The following CNTN5 variants were observed in gnomAD, a reference collection of about 807,000 sequenced individuals.
The protein encoded by CNTN5 is contactin-5.
Under a neutral mutation model 129.1 loss-of-function variants are expected in CNTN5, and 77 were observed. That is an observed-to-expected ratio of 0.60 (90% CI 0.50 to 0.72). CNTN5 has a LOEUF of 0.72. CNTN5 is among the 30% of genes least tolerant of loss of function. CNTN5 has a pLI of 0.00. For synonymous variants in CNTN5, 509 were observed against 465.6 expected, an observed-to-expected ratio of 1.09 and a Z score of -1.20; for missense variants, 1,478 against 1,328.8, an observed-to-expected ratio of 1.11 and a Z score of -1.75.
In CNTN5 at chr11:99,408,338, T is replaced by C. The variant is rs1177804179; in HGVS notation, c.-71+82854T>C. 7.5e-5 allele frequency among the ~76,000 whole-genome samples: 10 copies of C among 133,478 alleles called. No homozygotes were observed. In the Admixed American group the frequency reaches 8.4e-4, roughly 11 times the overall value. 87.6% of individuals were successfully genotyped at this position (133,478 alleles called of 152,430 possible). On this transcript the variant is annotated intron_variant, in intron 2 of 24. Transcript: ENST00000524871. Reference sequence around the variant, plus strand: ...CCTCAGCCTTCTGAGTGGCTAGGACTACCAGCACATGCCACTACACCAGGC... The same window carrying C: ...CCTCAGCCTTCTGAGTGGCTAGGACCACCAGCACATGCCACTACACCAGGC...
Position 100,356,209 on chromosome 11 carries a change from A to T in CNTN5, c.3292A>T (p.Thr1098Ser), listed in dbSNP as rs749277433. The stretch of plus-strand genomic sequence containing the variant: ...GCTCTTGGCATTGATGATTCCTTCA[A>T]CTTCCTGGTGAAAACTGCTGACTTA... ...TLLLALMIPS[T>S]SW Residue 1098 changes from threonine (T) to serine (S), a missense_variant, in exon 25 of 25, where the codon ACT becomes TCT. By Grantham distance (58) the Thr-to-Ser change is moderately conservative (BLOSUM62 1). Coordinates refer to ENST00000524871, the MANE Select transcript of CNTN5 (RefSeq NM_014361.4). 1 of 1,605,876 alleles carries T rather than the reference A, an allele frequency of 6.2e-7. No homozygotes were observed. The highest frequency in any genetic ancestry group is 8.5e-7 in the Non-Finnish European group (1 of 1,174,866).
chr11:99,203,199 C>G (rs12271817), intron 1 of CNTN5, among the ~76,000 whole-genome samples: 5,475 of 152,214 alleles, frequency 0.036, 139 homozygotes, highest in Middle Eastern at 0.065. Flanking sequence ...GGTAAGGACA[C>G]TGAGGCTCAC....
rs542701116 is a variant in CNTN5 at position 99,962,011 on chromosome 11, T to C, written c.877+5002T>C. 5.9e-5 allele frequency among the ~76,000 whole-genome samples: 9 copies of C among 152,218 alleles called. No homozygotes were observed. The East Asian group carries it at 1.4e-3, about 23-fold the overall frequency. ...TTATATATACATATACACACACACA[T>C]ATATGCAATTCTAAGTTAATAGTTA... is the stretch of plus-strand genomic sequence containing the variant. On this transcript the variant is annotated intron_variant, in intron 8 of 24. Coordinates refer to ENST00000524871, the MANE Select transcript of CNTN5 (RefSeq NM_014361.4).
chr11:99,597,597 T>C (rs1300039808), intron 3 of CNTN5, among the ~76,000 whole-genome samples: 2 of 152,180 alleles, frequency 1.3e-5, no homozygotes, highest in Non-Finnish European at 2.9e-5. Flanking sequence ...CCCAGCCTGT[T>C]TTCCGGTACT....
In CNTN5 at chr11:99,121,736, A is replaced by G. The variant is rs928629031; in HGVS notation, c.-210+100466A>G. ...ATCCTGTTATGACCCTTCTGCCTAC[A>G]GTATTTTCAATATTAATATCTAATG... On this transcript the variant is annotated intron_variant, in intron 1 of 24. Transcript: ENST00000524871. 4.6e-5 allele frequency among the ~76,000 whole-genome samples: 7 copies of G among 152,284 alleles called. No individual in the cohort carries two copies. In the South Asian group the frequency reaches 1.2e-3, roughly 27 times the overall value.
chr11:99,768,530 A>G (rs1258296555), intron 3 of CNTN5, among the ~76,000 whole-genome samples: 1 of 152,126 alleles, frequency 6.6e-6, no homozygotes, highest in Non-Finnish European at 1.5e-5. Context: ...ACCCTTCTTT[A>G]GTCTATAATT....
At chr11:99,227,297 T>G (rs980391326) in intron 1 of CNTN5, among the ~76,000 whole-genome samples, 1 of 151,750 alleles carries the variant, frequency 6.6e-6, no homozygotes, top group African/African-American at 2.4e-5. Context: ...GAGGCAAAGA[T>G]TGCAGTTAGC....
rs1428134311 is a variant in CNTN5, at chr11:99,295,705, T to C, written c.-209-29641T>C. Among the ~76,000 whole-genome samples, 3 of 149,758 alleles carry C rather than the reference T, an allele frequency of 2.0e-5. No homozygotes were observed. The East Asian group carries it at 5.9e-4, about 30-fold the overall frequency. On this transcript the variant is annotated intron_variant, in intron 1 of 24. Coordinates refer to ENST00000524871, the MANE Select transcript of CNTN5 (RefSeq NM_014361.4). Reference sequence around the variant, plus strand: ...TCCTGGCTAACAAGGTGAAACCCCGTCTCTACTAAAAATACAAAAAATTAG... The same window carrying C: ...TCCTGGCTAACAAGGTGAAACCCCGCCTCTACTAAAAATACAAAAAATTAG...
At chr11:99,945,362 T>A (rs1950530999) in intron 7 of CNTN5, among the ~76,000 whole-genome samples, 1 of 152,056 alleles carries the variant, frequency 6.6e-6, no homozygotes, top group African/African-American at 2.4e-5. Context: ...TCCTGCAAAG[T>A]CAAATGCCTC....
chr11:100,352,375 C>G (rs1952437063), intron 24 of CNTN5, among the ~76,000 whole-genome samples: 2 of 151,566 alleles, frequency 1.3e-5, no homozygotes, highest in Non-Finnish European at 3.0e-5. Flanking sequence ...AAAAACTATA[C>G]TGTGGTTATA....
intron 1 of CNTN5, among the ~76,000 whole-genome samples, chr11:99,166,606 T>C (rs1860886187): frequency 1.3e-5 from 2 of 152,094 alleles, no homozygotes; most frequent in South Asian, 4.1e-4. Context: ...TTATAGACTT[T>C]CTTTGATTTT....
intron 3 of CNTN5, among the ~76,000 whole-genome samples, chr11:99,557,597 T>C (rs1055999934): frequency 1.3e-5 from 2 of 151,502 alleles, no homozygotes; most frequent in East Asian, 1.9e-4. Flanking sequence ...TTTAGAATCA[T>C]TTAAGCTATA....
At chr11:99,326,376 C>A (rs1451382750) in intron 2 of CNTN5, among the ~76,000 whole-genome samples, 3 of 152,266 alleles carry the variant, frequency 2.0e-5, no homozygotes, top group Non-Finnish European at 2.9e-5. Context: ...CTTGTTTATC[C>A]TTTAACTTGT....
chr11:99,803,487 C>A (rs1474804078), intron 3 of CNTN5, among the ~76,000 whole-genome samples: 1 of 152,204 alleles, frequency 6.6e-6, no homozygotes, highest in Admixed American at 6.5e-5. Flanking sequence ...TGCTGGGTCA[C>A]TAAAGAATTA....
At chr11:99,102,646 C>T (rs949474647) in intron 1 of CNTN5, among the ~76,000 whole-genome samples, 10 of 152,252 alleles carry the variant, frequency 6.6e-5, no homozygotes, top group African/African-American at 2.4e-4. Flanking sequence ...CAACAAGTTC[C>T]TCATTTCTGT....
chr11:99,461,574 T>C (rs938676724), intron 2 of CNTN5, among the ~76,000 whole-genome samples: 63 of 152,118 alleles, frequency 4.1e-4, no homozygotes, highest in African/African-American at 1.5e-3. Context: ...GAAATAAACA[T>C]TTACTAAGAA....
chr11:99,117,074 A>G (rs1858078205), intron 1 of CNTN5, among the ~76,000 whole-genome samples: 1 of 152,200 alleles, frequency 6.6e-6, no homozygotes, highest in Admixed American at 6.5e-5. Flanking sequence ...ACCAGTAAAG[A>G]ATGGTATTCC....
At chr11:99,549,832 T>C (rs1020339430) in intron 2 of CNTN5, among the ~76,000 whole-genome samples, 3 of 152,128 alleles carry the variant, frequency 2.0e-5, no homozygotes, top group African/African-American at 7.2e-5. Context: ...TGGCATCAGA[T>C]TCTAGAGTAG....
At chr11:99,454,299 C>A (rs117459646) in intron 2 of CNTN5, among the ~76,000 whole-genome samples, 29 of 151,980 alleles carry the variant, frequency 1.9e-4, no homozygotes, top group Admixed American at 1.0e-3. Context: ...GTGTTCCCAC[C>A]CAAATCTTAT....
Sources: gnomAD v4.1 joint callset for allele counts (sites outside exome capture counted in the v4.1 genomes callset) on GRCh38, gnomAD v4.1.1 for gene constraint, MANE v1.5 for transcripts, NCBI Gene and HGNC (gene_info 2026-07-23, HGNC 2026-07-21) for gene names.